Variants in COMMD1 observed in about 807,000 individuals in gnomAD.
COMMD1 encodes the protein copper metabolism domain containing 1, also known as COMM domain-containing protein 1.
Under a neutral mutation model 17.2 loss-of-function variants are expected in COMMD1, and 10 were observed. The ratio of observed to expected loss-of-function variants is 0.58; its 90% confidence interval spans 0.36 to 0.99. The LOEUF (loss-of-function observed/expected upper bound fraction) is 0.99. COMMD1 is among the 50% of genes least tolerant of loss of function. The pLI, the probability that COMMD1 is intolerant of heterozygous loss-of-function variation, is 0.01. For synonymous variants in COMMD1, 97 were observed against 91.6 expected (o/e 1.06, Z -0.34); for missense variants, 270 against 231.8 (o/e 1.17, Z -1.07).
At chr2:62,047,879 A>G (rs1174376093) in intron 2 of COMMD1, among the ~76,000 whole-genome samples, 2 of 152,156 alleles carry the variant, frequency 1.3e-5, no homozygotes, top group Non-Finnish European at 2.9e-5. Flanking sequence ...CCATTGTGCT[A>G]TAGTTGCTCA....
rs76414621 is a variant in COMMD1 at position 62,040,384 on chromosome 2, T to G, written c.462+39402T>G. Reference sequence around the variant, plus strand: ...GAGGGTTGAGTACAATTCTCCCTGGTGTAAAACTCATTTTCTTTCCCTATG... The same window carrying G: ...GAGGGTTGAGTACAATTCTCCCTGGGGTAAAACTCATTTTCTTTCCCTATG... On this transcript the variant is annotated intron_variant, in intron 2 of 2. Transcript: ENST00000311832. 3.4e-3 allele frequency among the ~76,000 whole-genome samples: 516 copies of G among 152,340 alleles called. 23 individuals carry two copies. In the East Asian group the frequency reaches 0.086, roughly 25 times the overall value.
In COMMD1 at chr2:61,963,190, TACACACACACAC is replaced by T. The variant is rs375894719; in HGVS notation, c.181-37491_181-37480del. Among the ~76,000 whole-genome samples the T allele has an allele frequency of 6.6e-3, 900 of 136,362 alleles. 7 individuals carry two copies. Among genetic ancestry groups the T allele is most frequent in the Middle Eastern group, 0.036 (10 of 274 alleles). 89.5% of individuals were successfully genotyped at this position (136,362 alleles called of 152,430 possible). A position where few individuals can be genotyped will look rare whatever the true frequency, so the allele number is the denominator to read the frequency against. ...AAAAAATATATATATATATATTATA[TACACACACACAC>T]ACACACACACACACACACATATATA... On this transcript the variant is annotated intron_variant, in intron 1 of 2. Coordinates refer to ENST00000311832, the MANE Select transcript of COMMD1 (RefSeq NM_152516.4).
At chr2:61,948,754 CTTG>C (rs936293683) in intron 1 of COMMD1, among the ~76,000 whole-genome samples, 30 of 152,214 alleles carry the variant, frequency 2.0e-4, no homozygotes, top group African/African-American at 6.7e-4. Context: ...TTTGTTTTGT[CTTG>C]TTGTATTTAT....
intron 2 of COMMD1, among the ~76,000 whole-genome samples, chr2:62,134,419 A>G (rs1558613529): frequency 6.6e-6 from 1 of 152,078 alleles, no homozygotes; most frequent in Non-Finnish European, 1.5e-5. Flanking sequence ...ACTGCTCTAA[A>G]TTACTTGATT....
At chr2:62,065,416 T>G (rs1424097479) in intron 2 of COMMD1, among the ~76,000 whole-genome samples, 1 of 141,032 alleles carries the variant, frequency 7.1e-6, no homozygotes, top group Non-Finnish European at 1.5e-5. Context: ...TGTGACCTCC[T>G]GGGCTCAAGC....
chr2:62,083,872 G>C (rs1377362628), intron 2 of COMMD1, among the ~76,000 whole-genome samples: 1 of 152,212 alleles, frequency 6.6e-6, no homozygotes, highest in African/African-American at 2.4e-5. Flanking sequence ...TTAGTTCCTA[G>C]AGACTAGAAG....
chr2:62,062,175 G>C (rs1234991824), intron 2 of COMMD1, among the ~76,000 whole-genome samples: 1 of 151,588 alleles, frequency 6.6e-6, no homozygotes, highest in East Asian at 1.9e-4. Flanking sequence ...GACGCCAATT[G>C]TAACTCCTAA....
chr2:61,936,437 G>C (rs964152184), intron 1 of COMMD1, among the ~76,000 whole-genome samples: 36 of 152,278 alleles, frequency 2.4e-4, no homozygotes, highest in African/African-American at 7.9e-4. Flanking sequence ...CATGGTTAAA[G>C]ATTTTATTAG....
chr2:62,095,893 A>G (rs527599154), intron 2 of COMMD1, among the ~76,000 whole-genome samples: 1 of 144,150 alleles, frequency 6.9e-6, no homozygotes, highest in East Asian at 2.0e-4. Context: ...ACACAGGTAT[A>G]TATAATCCTG....
intron 2 of COMMD1, chr2:62,090,765 T>A (rs1671803747): frequency 6.6e-6 from 1 of 152,220 alleles, no homozygotes; most frequent in South Asian, 2.1e-4. Context: ...CCAGGTAGTT[T>A]GAGGGCATAG....
chr2:62,132,736 C>A lies in COMMD1; in HGVS notation c.463-3095C>A, dbSNP rs556724791. On this transcript the variant is annotated intron_variant, in intron 2 of 2. Coordinates refer to ENST00000311832, the MANE Select transcript of COMMD1 (RefSeq NM_152516.4). ...TGGTAGTGCACACCTGTAATCCCAG[C>A]CACTCAGGAGGCTGAGGCAGGAGGA... is the stretch of plus-strand genomic sequence containing the variant. Among the ~76,000 whole-genome samples the A allele has an allele frequency of 5.3e-5, 8 of 152,204 alleles. No individual in the cohort carries two copies. The East Asian group carries it at 1.5e-3, about 29-fold the overall frequency.
intron 1 of COMMD1, chr2:61,968,889 A>G (rs1671572745): frequency 8.6e-6 from 2 of 232,610 alleles, no homozygotes; most frequent in East Asian, 1.1e-4. Flanking sequence ...GGCATAAACA[A>G]TTTGAGATTT....
intron 2 of COMMD1, among the ~76,000 whole-genome samples, chr2:62,071,636 T>C (rs1230872400): frequency 2.0e-5 from 3 of 152,120 alleles, no homozygotes; most frequent in Non-Finnish European, 4.4e-5. Context: ...GGAAGAAAAC[T>C]TTTTAAAAAA....
intron 2 of COMMD1, among the ~76,000 whole-genome samples, chr2:62,057,104 A>G (rs1331850417): frequency 6.6e-6 from 1 of 152,128 alleles, no homozygotes; most frequent in Admixed American, 6.5e-5. Context: ...GGGACCATCT[A>G]GTTGCAGGAA....
chr2:61,931,600 G>C (rs1322212913), intron 1 of COMMD1, among the ~76,000 whole-genome samples: 1 of 152,140 alleles, frequency 6.6e-6, no homozygotes, highest in South Asian at 2.1e-4. Context: ...TCTCAGCCTT[G>C]TTTCACTTTT....
chr2:61,940,206 T>A (rs1670706883), intron 1 of COMMD1, among the ~76,000 whole-genome samples: 1 of 152,222 alleles, frequency 6.6e-6, no homozygotes, highest in South Asian at 2.1e-4. Flanking sequence ...CTATATTTTG[T>A]GGGCTAAGGC....
intron 2 of COMMD1, among the ~76,000 whole-genome samples, chr2:62,130,940 TA>T (rs1251124545): frequency 6.6e-6 from 1 of 152,194 alleles, no homozygotes. Flanking sequence ...GAGTTAAAGC[TA>T]AAGCATTAAA....
intron 1 of COMMD1, among the ~76,000 whole-genome samples, chr2:61,979,070 A>G (rs1254635082): frequency 2.6e-5 from 4 of 151,894 alleles, no homozygotes; most frequent in Non-Finnish European, 5.9e-5. Context: ...TTCTTTCTAT[A>G]TTTTTGTACC....
chr2:62,094,602 TA>T (rs1330218114), intron 2 of COMMD1, among the ~76,000 whole-genome samples: 1 of 152,192 alleles, frequency 6.6e-6, no homozygotes, highest in Non-Finnish European at 1.5e-5. Flanking sequence ...TTAGGTTTTT[TA>T]TTCAAATTCG....
Sources: allele counts gnomAD v4.1 joint callset (sites outside exome capture counted in the v4.1 genomes callset), GRCh38; gene constraint gnomAD v4.1.1; transcripts MANE v1.5; gene names NCBI Gene and HGNC (gene_info 2026-07-23, HGNC 2026-07-21).